GUCY1A2: variants seen among roughly 807,000 people sequenced by gnomAD.
The protein encoded by GUCY1A2 is guanylate cyclase 1 soluble subunit alpha 2, also known as guanylate cyclase soluble subunit alpha-2.
A neutral mutation model predicts 63.5 loss-of-function variants in GUCY1A2; 27 were observed. The ratio of observed to expected loss-of-function variants is 0.43; its 90% CI spans 0.31 to 0.59. The LOEUF (loss-of-function observed/expected upper bound fraction) is 0.59. Among genes scored for constraint, GUCY1A2 ranks in the 20% least tolerant of loss-of-function variants. The pLI is 0.11. For synonymous variants in GUCY1A2, 364 were observed against 343.5 expected (o/e 1.06, Z -0.66); for missense variants, 768 against 913.3 (o/e 0.84, Z 2.05).
chr11:106,779,219 C>A (rs10749877), intron 5 of GUCY1A2, among the ~76,000 whole-genome samples: 84,796 of 151,788 alleles, frequency 0.56, 23,944 homozygotes, highest in East Asian at 0.64. Context: ...TTTCTGATGC[C>A]AGAAAAATGA....
chr11:106,824,669 A>G (rs1443394077), intron 4 of GUCY1A2: 39 of 853,800 alleles, frequency 4.6e-5, no homozygotes, highest in Non-Finnish European at 6.4e-5. Context: ...AAATTTGTAG[A>G]TAAAAAACTA....
intron 5 of GUCY1A2, among the ~76,000 whole-genome samples, chr11:106,798,515 A>G (rs1315692660): frequency 6.6e-6 from 1 of 152,366 alleles, no homozygotes; most frequent in African/African-American, 2.4e-5. Context: ...AAAATCCTCA[A>G]TAAAATACTG....
chr11:106,907,779 C>T (rs1400927989), intron 4 of GUCY1A2, among the ~76,000 whole-genome samples: 2 of 152,012 alleles, frequency 1.3e-5, no homozygotes, highest in Non-Finnish European at 2.9e-5. Context: ...TGTATATGTG[C>T]CACATTTTCT....
chr11:107,008,234 G>C (rs1861698525), intron 1 of GUCY1A2, among the ~76,000 whole-genome samples: 1 of 138,638 alleles, frequency 7.2e-6, no homozygotes, highest in Non-Finnish European at 1.5e-5. Flanking sequence ...AGCCAAGATT[G>C]TGCCACTGTA....
intron 4 of GUCY1A2, among the ~76,000 whole-genome samples, chr11:106,898,643 A>C (rs1170011677): frequency 6.6e-6 from 1 of 152,226 alleles, no homozygotes; most frequent in Non-Finnish European, 1.5e-5. Context: ...ACATTCTGGA[A>C]AAAACAAAAA....
intron 6 of GUCY1A2, among the ~76,000 whole-genome samples, chr11:106,709,309 A>T (rs1261133159): frequency 2.6e-5 from 2 of 75,574 alleles, no homozygotes; most frequent in Admixed American, 2.1e-4. Context: ...TTTTATATTT[A>T]TATATATTTA....
intron 4 of GUCY1A2, among the ~76,000 whole-genome samples, chr11:106,837,256 T>C (rs1335395120): frequency 6.6e-6 from 1 of 151,974 alleles, no homozygotes; most frequent in Admixed American, 6.6e-5. Context: ...TATTTGCTTT[T>C]CTTTTCTTGT....
chr11:106,868,361 C>T (rs988706547), intron 4 of GUCY1A2, among the ~76,000 whole-genome samples: 2 of 151,888 alleles, frequency 1.3e-5, no homozygotes, highest in South Asian at 2.1e-4. Context: ...AAAACCCCAT[C>T]GTCTCAGCCC....
Position 106,926,619 on chromosome 11 carries a change from T to C in GUCY1A2, c.1206+12841A>G, listed in dbSNP as rs556038437. On this transcript the variant is annotated intron_variant, in intron 4 of 7. Coordinates refer to ENST00000526355, the MANE Select transcript of GUCY1A2 (RefSeq NM_000855.3). ...AAACATAGCAGATAGACATACACTCTATATTTAGACTTAAAGAAGGCTCCG... is the reference window on the plus strand; with the variant it reads ...AAACATAGCAGATAGACATACACTCCATATTTAGACTTAAAGAAGGCTCCG... Among the ~76,000 whole-genome samples the C allele has an allele frequency of 6.6e-4, 100 of 152,066 alleles. 1 individual carries two copies. The highest frequency in any genetic ancestry group is 2.3e-3 in the African/African-American group (96 of 41,486).
intron 7 of GUCY1A2, among the ~76,000 whole-genome samples, chr11:106,701,584 C>T (rs1042156453): frequency 1.3e-5 from 2 of 151,614 alleles, no homozygotes; most frequent in African/African-American, 2.4e-5. Context: ...AATTTGTGCT[C>T]ATAAAAGTAG....
intron 4 of GUCY1A2, among the ~76,000 whole-genome samples, chr11:106,885,498 T>A (rs1859885971): frequency 6.6e-6 from 1 of 152,178 alleles, no homozygotes; most frequent in Admixed American, 6.5e-5. Context: ...TCATGTCCAC[T>A]AGCATACATT....
chr11:106,979,120 T>C (rs1861300658), intron 2 of GUCY1A2, among the ~76,000 whole-genome samples: 1 of 152,012 alleles, frequency 6.6e-6, no homozygotes. Flanking sequence ...CATTCAATGG[T>C]GTTGAAAGTA....
chr11:106,765,757 C>T (rs1208441689), intron 6 of GUCY1A2, among the ~76,000 whole-genome samples: 1 of 152,054 alleles, frequency 6.6e-6, no homozygotes, highest in African/African-American at 2.4e-5. Flanking sequence ...AGGAGGTTCC[C>T]CACTAAGAAC....
Position 106,926,265 on chromosome 11 carries a change from C to A in GUCY1A2, c.1206+13195G>T, listed in dbSNP as rs112311453. Among the ~76,000 whole-genome samples the A allele has an allele frequency of 1.8e-3, 269 of 152,046 alleles. 1 individual carries two copies. The highest frequency in any genetic ancestry group is 6.1e-3 in the African/African-American group (255 of 41,488). On this transcript the variant is annotated intron_variant, in intron 4 of 7. Coordinates refer to ENST00000526355, the MANE Select transcript of GUCY1A2 (RefSeq NM_000855.3). The stretch of plus-strand genomic sequence containing the variant: ...CAAAACCCTGTATTCACTACTACTA[C>A]TAATAACAATAATAATACAAAATTT...
chr11:106,713,228 T>C (rs1238068876), intron 6 of GUCY1A2, among the ~76,000 whole-genome samples: 1 of 152,186 alleles, frequency 6.6e-6, no homozygotes, highest in African/African-American at 2.4e-5. Flanking sequence ...AACTGTTCTT[T>C]TGTATGTTTT....
At chr11:106,935,193 T>G (rs977378945) in intron 4 of GUCY1A2, among the ~76,000 whole-genome samples, 2 of 152,184 alleles carry the variant, frequency 1.3e-5, no homozygotes, top group African/African-American at 2.4e-5. Flanking sequence ...AATATTTCTC[T>G]AAAATTATCA....
At chr11:106,797,775 G>T (rs1864793487) in intron 5 of GUCY1A2, among the ~76,000 whole-genome samples, 1 of 152,174 alleles carries the variant, frequency 6.6e-6, no homozygotes, top group African/African-American at 2.4e-5. Flanking sequence ...GCAGTATGTG[G>T]AGGGAAATTT....
chr11:106,819,528 G>C lies in GUCY1A2; in HGVS notation c.1207-9050C>G, dbSNP rs138714897. 9.5e-3 allele frequency among the ~76,000 whole-genome samples: 1,450 copies of C among 152,002 alleles called. 9 individuals carry two copies. Among genetic ancestry groups the C allele is most frequent in the Admixed American group, 0.017 (262 of 15,248 alleles). ...TACATCAAGGTAAGACCCTCCACCA[G>C]CAAAAAAGATTATGACTTGATGAAG... On this transcript the variant is annotated intron_variant, in intron 4 of 7. Coordinates refer to ENST00000526355, the MANE Select transcript of GUCY1A2 (RefSeq NM_000855.3).
Position 106,814,113 on chromosome 11 carries a change from A to T in GUCY1A2, c.1207-3635T>A, listed in dbSNP as rs144804200. 2.6e-5 allele frequency among the ~76,000 whole-genome samples: 4 copies of T among 152,238 alleles called. No individual in the cohort carries two copies. In the East Asian group the frequency reaches 7.7e-4, roughly 29 times the overall value. On this transcript the variant is annotated intron_variant, in intron 4 of 7. Coordinates refer to ENST00000526355, the MANE Select transcript of GUCY1A2 (RefSeq NM_000855.3). The stretch of plus-strand genomic sequence containing the variant: ...TTTAAATATAAATCAATGTGATGGC[A>T]AAACAACCTTAAAGAGATGTTCACA...
Sources: gnomAD v4.1 joint callset for allele counts (sites outside exome capture counted in the v4.1 genomes callset) on GRCh38, gnomAD v4.1.1 for gene constraint, MANE v1.5 for transcripts, NCBI Gene and HGNC (gene_info 2026-07-23, HGNC 2026-07-21) for gene names.